Variants in SCAPER observed in about 807,000 individuals in gnomAD.
The protein encoded by SCAPER is S phase cyclin A-associated protein in the endoplasmic reticulum.
In SCAPER, 98 loss-of-function variants were observed where a neutral mutation model predicts 182.2. The observed-to-expected ratio is 0.54, with a 90% CI of 0.46 to 0.64. The LOEUF (loss-of-function observed/expected upper bound fraction) is 0.64, where lower values mean the gene tolerates loss of function less well. Ranked by LOEUF, SCAPER falls within the 30% of genes least tolerant of loss-of-function variation. SCAPER has a pLI of 0.00. For synonymous variants in SCAPER, 605 were observed against 564.6 expected (o/e 1.07, Z -1.01); for missense variants, 1,432 against 1,690.0 (o/e 0.85, Z 2.68).
intron 8 of SCAPER, among the ~76,000 whole-genome samples, chr15:76,785,219 T>A (rs1254648790): frequency 6.6e-6 from 1 of 152,160 alleles, no homozygotes; most frequent in Non-Finnish European, 1.5e-5. Flanking sequence ...GGGCAAAGGA[T>A]ATGAACACAG....
intron 8 of SCAPER, among the ~76,000 whole-genome samples, chr15:76,779,814 T>C (rs1240812278): frequency 6.6e-6 from 1 of 152,102 alleles, no homozygotes; most frequent in Non-Finnish European, 1.5e-5. Context: ...ATATGAAATA[T>C]ACCAATATAT....
At chr15:76,747,987 T>C (rs2061885782) in intron 15 of SCAPER, among the ~76,000 whole-genome samples, 1 of 151,828 alleles carries the variant, frequency 6.6e-6, no homozygotes, top group Admixed American at 6.6e-5. Context: ...TATTCTTTTT[T>C]TTTTTTTCCT....
rs1416834717 is a variant in SCAPER at position 76,652,276 on chromosome 15, ATATATATATAT to A, written c.2645+13366_2645+13376del. ...TCTGCTAAAAAAAAAAAAAAAAAATATATATATATATATATATATATATATATATATATACA... is the reference window on the plus strand; with the variant it reads ...TCTGCTAAAAAAAAAAAAAAAAAATAATATATATATATATATATATATACA... On this transcript the variant is annotated intron_variant, in intron 21 of 31. Transcript: ENST00000563290. Among the ~76,000 whole-genome samples the A allele has an allele frequency of 5.3e-3, 52 of 9,856 alleles. 4 individuals are homozygous for A. The highest frequency in any genetic ancestry group is 0.019 in the African/African-American group (42 of 2,258). 6.5% of individuals were successfully genotyped at this position (9,856 alleles called of 152,430 possible). A position where few individuals can be genotyped will look rare whatever the true frequency, so the allele number is the denominator to read the frequency against.
intron 2 of SCAPER, among the ~76,000 whole-genome samples, chr15:76,873,021 G>A (rs1252565725): frequency 6.6e-6 from 1 of 150,818 alleles, no homozygotes; most frequent in East Asian, 1.9e-4. Context: ...AGACTAAGGT[G>A]GGAGTATCAC....
chr15:76,538,634 G>A (rs1486644035), intron 23 of SCAPER, among the ~76,000 whole-genome samples: 1 of 151,976 alleles, frequency 6.6e-6, no homozygotes, highest in Non-Finnish European at 1.5e-5. Flanking sequence ...GTTAATGGGT[G>A]CAGCACACCA....
chr15:76,548,064 C>T (rs2045442511), intron 23 of SCAPER, among the ~76,000 whole-genome samples: 1 of 151,810 alleles, frequency 6.6e-6, no homozygotes, highest in Admixed American at 6.6e-5. Flanking sequence ...GTGCTTTCAA[C>T]AGAATTTTAT....
At chr15:76,489,647 A>G (rs760550628) in intron 24 of SCAPER, among the ~76,000 whole-genome samples, 10 of 151,344 alleles carry the variant, frequency 6.6e-5, no homozygotes, top group Non-Finnish European at 1.3e-4. Flanking sequence ...TTATTGTGGT[A>G]AAAACACTTA....
chr15:76,850,313 G>A (rs1249134263), intron 4 of SCAPER, among the ~76,000 whole-genome samples: 2 of 152,034 alleles, frequency 1.3e-5, no homozygotes, highest in African/African-American at 4.8e-5. Flanking sequence ...CTCCTCCCTA[G>A]GAACCCCTGC....
chr15:76,803,242 AC>A (rs2065917289), intron 6 of SCAPER, among the ~76,000 whole-genome samples: 1 of 152,162 alleles, frequency 6.6e-6, no homozygotes, highest in Non-Finnish European at 1.5e-5. Context: ...TTCCTTGATT[AC>A]ACTGTGCTCC....
At chr15:76,518,883 GTTC>G (rs1158127936) in intron 23 of SCAPER, among the ~76,000 whole-genome samples, 3 of 152,166 alleles carry the variant, frequency 2.0e-5, no homozygotes, top group African/African-American at 4.8e-5. Context: ...CAGAATATCT[GTTC>G]TTCTTGATTT....
At chr15:76,500,673 C>G (rs138304729) in intron 24 of SCAPER, among the ~76,000 whole-genome samples, 1 of 152,110 alleles carries the variant, frequency 6.6e-6, no homozygotes, top group African/African-American at 2.4e-5. Context: ...GTGAAAACTC[C>G]TATTTATTTT....
chr15:76,540,252 A>T (rs1567396730), intron 23 of SCAPER, among the ~76,000 whole-genome samples: 1 of 152,256 alleles, frequency 6.6e-6, no homozygotes, highest in East Asian at 1.9e-4. Flanking sequence ...AAATAAAAAT[A>T]TTAGATGGGT....
intron 20 of SCAPER, among the ~76,000 whole-genome samples, chr15:76,679,550 T>C (rs887655942): frequency 3.3e-5 from 5 of 152,268 alleles, no homozygotes; most frequent in Admixed American, 3.3e-4. Context: ...CTAAGGTCCC[T>C]TTCCACAGAT....
chr15:76,545,188 CATT>C (rs1303375111), intron 23 of SCAPER, among the ~76,000 whole-genome samples: 1 of 152,116 alleles, frequency 6.6e-6, no homozygotes, highest in Non-Finnish European at 1.5e-5. Flanking sequence ...AAACCATAGT[CATT>C]ATTCTTGATG....
intron 2 of SCAPER, among the ~76,000 whole-genome samples, chr15:76,872,154 A>G (rs76702533): frequency 0.015 from 2,357 of 152,218 alleles, 63 homozygotes; most frequent in African/African-American, 0.055. Context: ...AGTAGGAAAT[A>G]CCTACATGAA....
chr15:76,820,742 T>C (rs568077605), intron 5 of SCAPER, among the ~76,000 whole-genome samples: 2 of 150,158 alleles, frequency 1.3e-5, no homozygotes, highest in African/African-American at 2.5e-5. Flanking sequence ...AGTATAATAA[T>C]AATAAAATTT....
At chr15:76,675,603 T>G (rs1487704557) in intron 20 of SCAPER, among the ~76,000 whole-genome samples, 2 of 152,214 alleles carry the variant, frequency 1.3e-5, no homozygotes, top group Non-Finnish European at 2.9e-5. Flanking sequence ...GGCTCTGCTT[T>G]CTGGAGCTAC....
At chr15:76,741,198 C>G (rs551149177) in intron 15 of SCAPER, among the ~76,000 whole-genome samples, 1 of 152,052 alleles carries the variant, frequency 6.6e-6, no homozygotes, top group African/African-American at 2.4e-5. Flanking sequence ...TAAGATTATC[C>G]ATTCATGCAA....
chr15:76,723,440 A>G (rs1171738236), intron 17 of SCAPER, among the ~76,000 whole-genome samples: 1 of 152,160 alleles, frequency 6.6e-6, no homozygotes, highest in South Asian at 2.1e-4. Flanking sequence ...GTAGATGTCT[A>G]TTAGGTCTGC....
Sources: allele counts gnomAD v4.1 joint callset (sites outside exome capture counted in the v4.1 genomes callset), GRCh38; gene constraint gnomAD v4.1.1; transcripts MANE v1.5; gene names NCBI Gene and HGNC (gene_info 2026-07-23, HGNC 2026-07-21).